HHIP: variants seen among roughly 807,000 people sequenced by gnomAD.
The protein encoded by HHIP is hedgehog interacting protein, also known as hedgehog-interacting protein.
Under a neutral mutation model 74.0 loss-of-function variants are expected in HHIP, and 12 were observed. The ratio of observed to expected loss-of-function variants is 0.16; its 90% CI spans 0.10 to 0.26. HHIP has a LOEUF of 0.26. Among genes scored for constraint, HHIP ranks in the 10% least tolerant of loss-of-function variants. HHIP has a pLI of 1.00. For synonymous variants in HHIP, 309 were observed against 311.6 expected (o/e 0.99, Z 0.09); for missense variants, 788 against 845.0 (o/e 0.93, Z 0.84).
chr4:144,702,130 G>T (rs1054629419), intron 4 of HHIP, among the ~76,000 whole-genome samples: 5 of 152,072 alleles, frequency 3.3e-5, no homozygotes, highest in Admixed American at 3.3e-4. Flanking sequence ...TCCAGCCAGG[G>T]TGATAGAGTG....
At chr4:144,679,314 C>T (rs906320491) in intron 4 of HHIP, among the ~76,000 whole-genome samples, 2 of 152,018 alleles carry the variant, frequency 1.3e-5, no homozygotes, top group Admixed American at 6.6e-5. Context: ...AAATTTTCTC[C>T]CGTTCTGTAG....
intron 10 of HHIP, among the ~76,000 whole-genome samples, chr4:144,716,684 C>A (rs140410139): frequency 0.022 from 3,395 of 151,572 alleles, 57 homozygotes; most frequent in Non-Finnish European, 0.038. Context: ...TCTGTCTCTA[C>A]AAAAACTACA....
At chr4:144,682,476 T>A (rs913862008) in intron 4 of HHIP, among the ~76,000 whole-genome samples, 52 of 152,346 alleles carry the variant, frequency 3.4e-4, no homozygotes, top group African/African-American at 1.1e-3. Flanking sequence ...GGGACTGTAA[T>A]ATATGGGAAA....
intron 12 of HHIP, among the ~76,000 whole-genome samples, 189 bp from the exon 13 acceptor site, chr4:144,737,575 C>A (rs541201141): frequency 2.9e-4 from 44 of 152,330 alleles, no homozygotes; most frequent in Non-Finnish European, 4.3e-4. Flanking sequence ...GAGTTCAGGT[C>A]TCCAAATAAC....
At chr4:144,709,131 A>T (rs985316836) in intron 7 of HHIP, among the ~76,000 whole-genome samples, 7 of 152,200 alleles carry the variant, frequency 4.6e-5, no homozygotes, top group Non-Finnish European at 1.0e-4. Context: ...TTACCATTTA[A>T]TGTTTATTGA....
chr4:144,656,180 T>C (rs928215888), intron 2 of HHIP, among the ~76,000 whole-genome samples: 1 of 152,196 alleles, frequency 6.6e-6, no homozygotes, highest in African/African-American at 2.4e-5. Flanking sequence ...AATAAAAGTG[T>C]TAGATACTTA....
intron 1 of HHIP, among the ~76,000 whole-genome samples, chr4:144,651,918 T>C (rs535855005): frequency 8.3e-4 from 126 of 152,216 alleles, no homozygotes; most frequent in African/African-American, 3.0e-3. Context: ...CTCTTGTGTT[T>C]ATTCATGCAT....
chr4:144,684,402 GC>G (rs1402042337), intron 4 of HHIP, among the ~76,000 whole-genome samples: 1 of 150,226 alleles, frequency 6.7e-6, no homozygotes, highest in East Asian at 2.0e-4. Context: ...GGGACTACAG[GC>G]GCTCGCCACC....
chr4:144,669,626 CA>C (rs948750076), intron 4 of HHIP, among the ~76,000 whole-genome samples: 5 of 151,326 alleles, frequency 3.3e-5, no homozygotes, highest in Admixed American at 6.6e-5. Flanking sequence ...AGTAGAGTAA[CA>C]AAAAAAAGAG....
rs200424102 is a variant in HHIP, at chr4:144,738,561, T to C, written c.*604T>C. 38 of 845,866 alleles carry C rather than the reference T, an allele frequency of 4.5e-5. No individual in the cohort carries two copies. The East Asian group carries it at 2.9e-3, about 66-fold the overall frequency. 52.4% of individuals were successfully genotyped at this position (845,866 alleles called of 1,614,324 possible). A position where few individuals can be genotyped will look rare whatever the true frequency, so the allele number is the denominator to read the frequency against. On this transcript the variant is annotated 3_prime_UTR_variant, in exon 13 of 13. Transcript: ENST00000296575. ...GAGAAATCTGGTTATTTCATCTTAA[T>C]CTCAAGATTGTTTTCAAGTGTTTTA...
intron 4 of HHIP, among the ~76,000 whole-genome samples, chr4:144,677,389 G>C (rs1328866619): frequency 3.3e-5 from 5 of 152,154 alleles, no homozygotes; most frequent in Non-Finnish European, 7.3e-5. Context: ...GATTGTAGCA[G>C]CTCTAAGCTT....
At chr4:144,660,596 A>C (rs557810832) in intron 4 of HHIP, among the ~76,000 whole-genome samples, 61 of 152,172 alleles carry the variant, frequency 4.0e-4, no homozygotes, top group African/African-American at 1.3e-3. Flanking sequence ...AAAAAAAAAA[A>C]CCTGAAGGAG....
intron 4 of HHIP, among the ~76,000 whole-genome samples, chr4:144,684,935 T>A (rs1275171292): frequency 6.6e-6 from 1 of 152,208 alleles, no homozygotes; most frequent in Non-Finnish European, 1.5e-5. Flanking sequence ...CATATACTGA[T>A]ACTCTCTACC....
Position 144,742,671 on chromosome 4 carries a change from T to C in HHIP, c.*4714T>C, listed in dbSNP as rs1246523507. The C allele has an allele frequency of 6.6e-6, 1 of 151,324 alleles. No homozygotes were observed. Among genetic ancestry groups the C allele is most frequent in the African/African-American group, 2.4e-5 (1 of 41,196 alleles). The allele number at this position is 151,324 out of a possible 1,614,324, so 9.4% of individuals were successfully genotyped here. The stretch of plus-strand genomic sequence containing the variant: ...GAAAATGTACATATTTTTAAACTAC[T>C]CCCAGGAAGTAAACTAGTACTGTGA... On this transcript the variant is annotated 3_prime_UTR_variant, in exon 13 of 13. Coordinates refer to ENST00000296575, the MANE Select transcript of HHIP (RefSeq NM_022475.3).
intron 4 of HHIP, among the ~76,000 whole-genome samples, chr4:144,694,210 G>A (rs542191780): frequency 4.6e-5 from 7 of 151,866 alleles, no homozygotes; most frequent in East Asian, 1.9e-4. Context: ...TTAAAGTACC[G>A]TAATTGTTAT....
intron 4 of HHIP, among the ~76,000 whole-genome samples, chr4:144,666,570 C>T (rs1728869641): frequency 6.6e-6 from 1 of 152,140 alleles, no homozygotes; most frequent in South Asian, 2.1e-4. Flanking sequence ...CTAGCAAGTA[C>T]CACAGACAGA....
At chr4:144,664,738 T>C (rs1361397901) in intron 4 of HHIP, among the ~76,000 whole-genome samples, 1 of 152,186 alleles carries the variant, frequency 6.6e-6, no homozygotes, top group Non-Finnish European at 1.5e-5. Context: ...AAAGCCTGTG[T>C]TAATAGAAAG....
chr4:144,657,122 C>T (rs1173281909), intron 2 of HHIP, among the ~76,000 whole-genome samples: 6 of 152,092 alleles, frequency 3.9e-5, no homozygotes, highest in Admixed American at 6.6e-5. Flanking sequence ...GAGTCTCTCT[C>T]AGAAAGTTCA....
chr4:144,658,302 A>G (rs1025936904), intron 2 of HHIP, among the ~76,000 whole-genome samples: 2 of 152,058 alleles, frequency 1.3e-5, no homozygotes, highest in African/African-American at 4.8e-5. Context: ...TTTAGTTTAA[A>G]ACACAAATGG....
Sources: allele counts gnomAD v4.1 joint callset (sites outside exome capture counted in the v4.1 genomes callset), GRCh38; gene constraint gnomAD v4.1.1; transcripts MANE v1.5; gene names NCBI Gene and HGNC (gene_info 2026-07-23, HGNC 2026-07-21).